COL22A1: variants seen among roughly 807,000 people sequenced by gnomAD.
The protein encoded by COL22A1 is collagen type XXII alpha 1 chain, also known as collagen alpha-1(XXII) chain.
A neutral mutation model predicts 248.9 loss-of-function variants in COL22A1; 221 were observed. That is an observed-to-expected ratio of 0.89 (90% CI 0.80 to 0.99). COL22A1 has a LOEUF of 0.99. COL22A1 is among the 50% of genes least tolerant of loss of function. The pLI is 0.00. For missense variants in COL22A1, 2,240 were observed against 2,179.0 expected, an observed-to-expected ratio of 1.03 and a Z score of -0.56; for synonymous variants, 891 against 793.4, an observed-to-expected ratio of 1.12 and a Z score of -2.07.
At position 138,812,958 on chromosome 8, in the gene COL22A1, C is replaced by T. The variant is rs768026886; in HGVS notation, c.1307G>A (p.Cys436Tyr). 4 of 1,613,718 alleles carry T rather than the reference C, an allele frequency of 2.5e-6. No individual in the cohort carries two copies. The highest frequency in any genetic ancestry group is 3.4e-6 in the Non-Finnish European group (4 of 1,179,656). ...DSRHAELETC[C>Y]DIPSGPCQVT... ...GCTCACCGGACCCGAGGGGATATCA[C>T]AACAAGTCTCCAATTCTGCGTGTCT... The change falls in exon 8 of 65, where the codon TGT becomes TAT. Residue 436 changes from cysteine to tyrosine, a missense_variant. Coordinates refer to ENST00000303045, the MANE Select transcript of COL22A1 (RefSeq NM_152888.3).
intron 16 of COL22A1, among the ~76,000 whole-genome samples, chr8:138,772,627 A>G (rs1435934009): frequency 6.6e-6 from 1 of 152,230 alleles, no homozygotes; most frequent in Non-Finnish European, 1.5e-5. Flanking sequence ...ATCACGCTGT[A>G]GGTTTCTTAG....
At chr8:138,667,662 A>G (rs1489083583) in intron 41 of COL22A1, among the ~76,000 whole-genome samples, 1 of 152,200 alleles carries the variant, frequency 6.6e-6, no homozygotes, top group Non-Finnish European at 1.5e-5. Context: ...CTAGGTATCC[A>G]AAGGGTACTT....
intron 16 of COL22A1, among the ~76,000 whole-genome samples, chr8:138,766,263 G>T (rs548129913): frequency 6.6e-6 from 1 of 152,340 alleles, no homozygotes; most frequent in South Asian, 2.1e-4. Context: ...TAGGACAGCT[G>T]CAGGTGCACA....
At chr8:138,872,618 T>C (rs1239013389) in intron 3 of COL22A1, among the ~76,000 whole-genome samples, 2 of 152,206 alleles carry the variant, frequency 1.3e-5, no homozygotes, top group African/African-American at 4.8e-5. Context: ...TAGCTGATGC[T>C]CCGGGGCTGG....
At chr8:138,851,639 T>C (rs1821652499) in intron 3 of COL22A1, among the ~76,000 whole-genome samples, 1 of 152,140 alleles carries the variant, frequency 6.6e-6, no homozygotes, top group Non-Finnish European at 1.5e-5. Context: ...TGGAGCTTTC[T>C]CTAGGAGAGG....
At chr8:138,592,092 G>T (rs543341304) in intron 63 of COL22A1, among the ~76,000 whole-genome samples, 139 of 152,320 alleles carry the variant, frequency 9.1e-4, no homozygotes, top group African/African-American at 3.1e-3. Context: ...CAAGAAGCTT[G>T]AAATTCAATA....
chr8:138,598,054 C>T (rs553434806), intron 61 of COL22A1, among the ~76,000 whole-genome samples: 9 of 152,282 alleles, frequency 5.9e-5, no homozygotes, highest in South Asian at 2.1e-4. Flanking sequence ...GCTGTTGAGC[C>T]GGAAGGAGTG....
At chr8:138,845,139 C>T (rs1236013372) in intron 3 of COL22A1, among the ~76,000 whole-genome samples, 1 of 152,004 alleles carries the variant, frequency 6.6e-6, no homozygotes, top group Admixed American at 6.6e-5. Context: ...TATACAAAAG[C>T]AATTGAGTAA....
At chr8:138,738,623 T>C (rs1181042119) in intron 22 of COL22A1, among the ~76,000 whole-genome samples, 1 of 152,134 alleles carries the variant, frequency 6.6e-6, no homozygotes, top group Admixed American at 6.5e-5. Flanking sequence ...AGTGTGCAAA[T>C]CGAGGCTCAG....
chr8:138,704,123 C>CGGGAGG (rs1487304686), intron 30 of COL22A1, among the ~76,000 whole-genome samples: 1 of 152,100 alleles, frequency 6.6e-6, no homozygotes, highest in East Asian at 1.9e-4. Context: ...ACAAAGCAGC[C>CGGGAGG]GGGAGGCTCG....
intron 21 of COL22A1, among the ~76,000 whole-genome samples, chr8:138,751,926 CAA>C (rs1193088539): frequency 6.6e-6 from 1 of 152,202 alleles, no homozygotes; most frequent in Non-Finnish European, 1.5e-5. Context: ...CAGTGATATG[CAA>C]AACATGATAG....
At chr8:138,676,443 A>AAGAT in intron 41 of COL22A1, 115 bp downstream of exon 41, 1 of 545,922 alleles carries the variant, frequency 1.8e-6, no homozygotes, top group Non-Finnish European at 3.2e-6. Flanking sequence ...GAAAGAAAGA[A>AAGAT]AGAAAGAAAG....
chr8:138,805,016 G>A, intron 10 of COL22A1, among the ~76,000 whole-genome samples: 1 of 134,682 alleles, frequency 7.4e-6, no homozygotes, highest in African/African-American at 2.9e-5. Flanking sequence ...GGTGTGTGGT[G>A]GTGTGTGTGT....
At chr8:138,846,102 A>G (rs1244124828) in intron 3 of COL22A1, among the ~76,000 whole-genome samples, 1 of 152,164 alleles carries the variant, frequency 6.6e-6, no homozygotes, top group Non-Finnish European at 1.5e-5. Context: ...GTTATTTTGG[A>G]AACAGTACCA....
chr8:138,786,560 T>A (rs1349831630), intron 12 of COL22A1, among the ~76,000 whole-genome samples: 1 of 152,178 alleles, frequency 6.6e-6, no homozygotes, highest in Non-Finnish European at 1.5e-5. Context: ...GTGATAGACC[T>A]TCCAAAATTC....
intron 52 of COL22A1, chr8:138,620,323 C>T (rs1252347018): frequency 6.6e-6 from 1 of 152,008 alleles, no homozygotes; most frequent in African/African-American, 2.4e-5. Context: ...CTTCTGTCCA[C>T]CTCATGTTTA....
intron 62 of COL22A1, 84 bp from the exon 63 acceptor site, chr8:138,594,283 CCAGGGGGCCGA>C: frequency 1.6e-6 from 2 of 1,237,666 alleles, no homozygotes; most frequent in Non-Finnish European, 1.1e-6. Context: ...CAACTCAGAA[CCAGGGGGCCGA>C]TAATAGCTGC....
chr8:138,734,264 A>C (rs1316847220), intron 23 of COL22A1, among the ~76,000 whole-genome samples: 2 of 152,018 alleles, frequency 1.3e-5, no homozygotes, highest in Non-Finnish European at 2.9e-5. Flanking sequence ...AGATGAAAAC[A>C]CCTCCTCTAT....
At position 138,720,795 on chromosome 8, in the gene COL22A1, G is replaced by C. The variant is rs776984157; in HGVS notation, c.2302-3C>G. 6.2e-7 allele frequency: 1 copy of C among 1,612,416 alleles called. No homozygotes were observed. Among genetic ancestry groups the C allele is most frequent in the Admixed American group, 1.7e-5 (1 of 60,006 alleles). On this transcript the variant is annotated splice_region_variant and splice_polypyrimidine_tract_variant and intron_variant, in intron 26 of 64. Coordinates refer to ENST00000303045, the MANE Select transcript of COL22A1 (RefSeq NM_152888.3). ...TCCCCTCTTTCTCCTGGTTCTCCCT[G>C]GAAGGAATACAGAGCAAAGTTAACA... is the stretch of plus-strand genomic sequence containing the variant.
Sources: gnomAD v4.1 joint callset for allele counts (sites outside exome capture counted in the v4.1 genomes callset) on GRCh38, gnomAD v4.1.1 for gene constraint, MANE v1.5 for transcripts, NCBI Gene and HGNC (gene_info 2026-07-23, HGNC 2026-07-21) for gene names.